The following MMS22L variants were observed in gnomAD, a reference collection of about 807,000 sequenced individuals.
MMS22L encodes MMS22 like, DNA repair protein, also known as protein MMS22-like.
MMS22L carries 74 observed loss-of-function variants against 159.1 expected under a neutral mutation model. The ratio of observed to expected loss-of-function variants is 0.47; its 90% CI spans 0.39 to 0.56. The LOEUF is 0.56. Ranked by LOEUF, MMS22L falls within the 20% of genes least tolerant of loss-of-function variation. The pLI, the probability that MMS22L is intolerant of heterozygous loss-of-function variation, is 0.00. For synonymous variants in MMS22L, 517 were observed against 506.9 expected, an observed-to-expected ratio of 1.02 and a Z score of -0.27; for missense variants, 1,351 against 1,422.1, an observed-to-expected ratio of 0.95 and a Z score of 0.80.
At chr6:97,209,059 T>A (rs1029530557) in intron 14 of MMS22L, among the ~76,000 whole-genome samples, 4 of 152,044 alleles carry the variant, frequency 2.6e-5, no homozygotes, top group Admixed American at 1.3e-4. Flanking sequence ...CAGGTATAAA[T>A]CCTACTTCTT....
intron 16 of MMS22L, 65 bp downstream of exon 16, chr6:97,181,839 C>T: frequency 1.3e-6 from 2 of 1,510,488 alleles, no homozygotes; most frequent in Admixed American, 2.1e-5. Flanking sequence ...AAATTCTTAG[C>T]TTCCTAGGAT....
At chr6:97,220,946 A>G (rs886761119) in intron 14 of MMS22L, among the ~76,000 whole-genome samples, 1 of 148,818 alleles carries the variant, frequency 6.7e-6, no homozygotes, top group Non-Finnish European at 1.5e-5. Context: ...ACCATCCAAG[A>G]TAAGACCCCT....
chr6:97,150,787 G>A (rs1007286187), intron 23 of MMS22L, among the ~76,000 whole-genome samples: 10 of 152,112 alleles, frequency 6.6e-5, no homozygotes, highest in South Asian at 2.1e-4. Context: ...GGAAACGAAC[G>A]CAAATTATTT....
At chr6:97,266,517 G>A (rs1349162087) in intron 8 of MMS22L, 2 of 152,198 alleles carry the variant, frequency 1.3e-5, no homozygotes, top group African/African-American at 2.4e-5. Flanking sequence ...TGAGAAGCAC[G>A]TCTTTAGGCT....
chr6:97,217,525 G>A (rs1394412633), intron 14 of MMS22L, among the ~76,000 whole-genome samples: 2 of 152,234 alleles, frequency 1.3e-5, no homozygotes, highest in East Asian at 3.9e-4. Context: ...AAAGTGCTAG[G>A]ATTACAGGTG....
intron 14 of MMS22L, among the ~76,000 whole-genome samples, chr6:97,202,091 CT>C (rs975530693): frequency 1.3e-5 from 2 of 152,116 alleles, no homozygotes; most frequent in African/African-American, 2.4e-5. Context: ...AACAACATAC[CT>C]TTGTCTTTTA....
At chr6:97,265,875 C>T (rs1019897523) in intron 8 of MMS22L, 1 of 152,118 alleles carries the variant, frequency 6.6e-6, no homozygotes, top group African/African-American at 2.4e-5. Flanking sequence ...GCACGCACCA[C>T]CATGCCCGGC....
At position 97,231,412 on chromosome 6, in the gene MMS22L, G is replaced by T; in HGVS notation, c.1529+14C>A. The T allele has an allele frequency of 6.4e-7, 1 of 1,571,714 alleles. No individual in the cohort carries two copies. Reference sequence around the variant, plus strand: ...ATATCAGTGCACACTCATGACAGAAGATACTGCATATACCTTCCTTTGACT... The same window carrying T: ...ATATCAGTGCACACTCATGACAGAATATACTGCATATACCTTCCTTTGACT... On this transcript the variant is annotated intron_variant, in intron 13 of 24. Transcript: ENST00000683635.
At chr6:97,152,446 T>C (rs1407605777) in intron 22 of MMS22L, among the ~76,000 whole-genome samples, 1 of 152,122 alleles carries the variant, frequency 6.6e-6, no homozygotes, top group African/African-American at 2.4e-5. Context: ...TAAAATTGTG[T>C]GCTTGTACAC....
intron 14 of MMS22L, among the ~76,000 whole-genome samples, chr6:97,188,866 G>A (rs1275959261): frequency 2.0e-5 from 3 of 152,204 alleles, no homozygotes; most frequent in Non-Finnish European, 2.9e-5. Context: ...GGAGGCTGAG[G>A]TAGGAGAATT....
intron 14 of MMS22L, among the ~76,000 whole-genome samples, chr6:97,220,011 A>C (rs929468423): frequency 6.6e-6 from 1 of 152,088 alleles, no homozygotes; most frequent in Non-Finnish European, 1.5e-5. Context: ...GATTTTGACA[A>C]TTACTTCCAT....
chr6:97,281,764 T>C (rs1222763237), intron 2 of MMS22L, among the ~76,000 whole-genome samples: 1 of 152,220 alleles, frequency 6.6e-6, no homozygotes, highest in Non-Finnish European at 1.5e-5. Context: ...TTAAGATTTC[T>C]AACAAGGTAC....
chr6:97,259,479 A>G (rs1325716164), intron 9 of MMS22L: 2 of 152,166 alleles, frequency 1.3e-5, no homozygotes, highest in Non-Finnish European at 2.9e-5. Context: ...CCGAGGGTAG[A>G]GAAGACTCCC....
chr6:97,234,282 A>G (rs1216325240), intron 11 of MMS22L, among the ~76,000 whole-genome samples: 2 of 152,160 alleles, frequency 1.3e-5, no homozygotes, highest in Non-Finnish European at 2.9e-5. Context: ...GAAACCAGAA[A>G]AGGAACCCAA....
At chr6:97,180,729 G>A (rs1804622604) in intron 16 of MMS22L, among the ~76,000 whole-genome samples, 1 of 152,062 alleles carries the variant, frequency 6.6e-6, no homozygotes, top group Non-Finnish European at 1.5e-5. Context: ...AGTCTTTAAT[G>A]CATAATATAA....
At chr6:97,198,604 C>T (rs893243054) in intron 14 of MMS22L, among the ~76,000 whole-genome samples, 5 of 152,088 alleles carry the variant, frequency 3.3e-5, no homozygotes, top group Non-Finnish European at 5.9e-5. Flanking sequence ...TAAAGGAATT[C>T]ACACTTGGGA....
At chr6:97,159,946 C>CTTTTTTT (rs1554256184) in intron 22 of MMS22L, among the ~76,000 whole-genome samples, 1 of 58,494 alleles carries the variant, frequency 1.7e-5, no homozygotes, top group Non-Finnish European at 3.1e-5. Context: ...TTTATCATTT[C>CTTTTTTT]TGTTTTTTTT....
rs759259737 is a variant in MMS22L, at chr6:97,251,592, T to C, written c.1119+2965A>G. On this transcript the variant is annotated intron_variant, in intron 10 of 24. Transcript: ENST00000683635. ...TCATTTTTATCATATCCTTTTTCTA[T>C]TAATTATCACAGCCTTTTCTTTTAA... Among the ~76,000 whole-genome samples, 102 of 152,228 alleles carry C rather than the reference T, an allele frequency of 6.7e-4. 1 individual carries two copies. Among genetic ancestry groups the C allele is most frequent in the Admixed American group, 2.7e-3 (41 of 15,284 alleles).
chr6:97,210,986 G>A (rs1808314379), intron 14 of MMS22L, among the ~76,000 whole-genome samples: 1 of 151,888 alleles, frequency 6.6e-6, no homozygotes, highest in African/African-American at 2.4e-5. Context: ...TAAAAACTTG[G>A]TGGCATTAAA....
Sources: allele counts gnomAD v4.1 joint callset (sites outside exome capture counted in the v4.1 genomes callset), GRCh38; gene constraint gnomAD v4.1.1; transcripts MANE v1.5; gene names NCBI Gene and HGNC (gene_info 2026-07-23, HGNC 2026-07-21).